AFAP1: variants seen among roughly 807,000 people sequenced by gnomAD.
The protein encoded by AFAP1 is actin filament associated protein 1.
In AFAP1, 75 loss-of-function variants were observed where a neutral mutation model predicts 93.9. The ratio of observed to expected loss-of-function variants is 0.80; its 90% CI spans 0.66 to 0.97. AFAP1 has a LOEUF of 0.97. Ranked by LOEUF, AFAP1 falls within the 50% of genes least tolerant of loss-of-function variation. The pLI is 0.00. For missense variants in AFAP1, 1,201 were observed against 1,050.8 expected (o/e 1.14, Z -1.98); for synonymous variants, 517 against 430.7 (o/e 1.20, Z -2.48).
At chr4:7,770,791 C>T (rs1387421013) in intron 16 of AFAP1, among the ~76,000 whole-genome samples, 2 of 152,296 alleles carry the variant, frequency 1.3e-5, no homozygotes, top group East Asian at 1.9e-4. Context: ...TCAGAGCACT[C>T]CTGCCCTGCC....
chr4:7,890,223 C>T (rs559124928), intron 1 of AFAP1, among the ~76,000 whole-genome samples: 82 of 152,206 alleles, frequency 5.4e-4, no homozygotes, highest in Non-Finnish European at 1.0e-3. Flanking sequence ...GAAATTCACC[C>T]ACACATAAAC....
intron 1 of AFAP1, among the ~76,000 whole-genome samples, chr4:7,889,778 T>C (rs1429062286): frequency 6.7e-6 from 1 of 149,980 alleles, no homozygotes; most frequent in African/African-American, 2.4e-5. Context: ...TATTAAAATA[T>C]GTTAAATATA....
In AFAP1 at chr4:7,762,481, A is replaced by G. The variant is rs1434323813; in HGVS notation, c.*1284T>C. ...ATCTTCCCGTACTGGAGAATTCCTG[A>G]CAGCAGCCTCCGGGAGACCAAGAAG... is the stretch of plus-strand genomic sequence containing the variant. On this transcript the variant is annotated 3_prime_UTR_variant, in exon 18 of 18. Coordinates refer to ENST00000420658, the MANE Select transcript of AFAP1 (RefSeq NM_001134647.2). 1 of 152,246 alleles carries G rather than the reference A, an allele frequency of 6.6e-6. No homozygotes were observed. The highest frequency in any genetic ancestry group is 1.5e-5 in the Non-Finnish European group (1 of 68,040). 9.4% of individuals were successfully genotyped at this position (152,246 alleles called of 1,614,324 possible).
In AFAP1 at chr4:7,803,850, C is replaced by T. The variant is rs902542504; in HGVS notation, c.1055-3197G>A. Among the ~76,000 whole-genome samples the T allele has an allele frequency of 1.4e-4, 21 of 151,778 alleles. 1 individual carries two copies. The highest frequency in any genetic ancestry group is 1.2e-3 in the Admixed American group (18 of 15,236). On this transcript the variant is annotated intron_variant, in intron 9 of 17. Transcript: ENST00000420658. The stretch of plus-strand genomic sequence containing the variant: ...ATTTTATATGCAATTATCGTAATAC[C>T]CCCAATTTTCCCCCCAAAAAAATCC...
chr4:7,811,154 G>C (rs1294567385), intron 8 of AFAP1, among the ~76,000 whole-genome samples: 2 of 152,208 alleles, frequency 1.3e-5, no homozygotes, highest in Non-Finnish European at 2.9e-5. Flanking sequence ...GCACTGCAGG[G>C]CTCACTGGAG....
Position 7,855,527 on chromosome 4 carries a change from T to C in AFAP1, c.273A>G (p.Glu91=). The stretch of plus-strand genomic sequence containing the variant: ...GCGGCACAGCTTCCTCATAATAACC[T>C]TCTGGGAGGGAGGATGTTGGCAATG... ...PPPLPTSSLP[E]GYYEEAVPLS... The change falls in exon 4 of 18, where the codon GAA becomes GAG. Residue 91 remains glutamate (E), a synonymous_variant. Transcript: ENST00000420658. The C allele has an allele frequency of 6.2e-7, 1 of 1,613,896 alleles. No homozygotes were observed. Among genetic ancestry groups the C allele is most frequent in the Non-Finnish European group, 8.5e-7 (1 of 1,179,956 alleles).
At position 7,867,559 on chromosome 4, in the gene AFAP1, G is replaced by C. The variant is rs572146974; in HGVS notation, c.225+1063C>G. On this transcript the variant is annotated intron_variant, in intron 3 of 17. Coordinates refer to ENST00000420658, the MANE Select transcript of AFAP1 (RefSeq NM_001134647.2). ...CACACCTCTGAACTAGTATTGTTGA[G>C]AAAAGTGTGAATTTGAAATAAATGT... Among the ~76,000 whole-genome samples, 7 of 152,272 alleles carry C rather than the reference G, an allele frequency of 4.6e-5. No individual in the cohort carries two copies. The South Asian group carries it at 1.0e-3, about 23-fold the overall frequency.
chr4:7,917,925 A>G (rs1720178721), intron 1 of AFAP1, among the ~76,000 whole-genome samples: 1 of 152,164 alleles, frequency 6.6e-6, no homozygotes, highest in South Asian at 2.1e-4. Flanking sequence ...AGTGATGCCC[A>G]CTCCGACTGT....
At chr4:7,777,237 G>A (rs1017641441) in intron 14 of AFAP1, 13 of 152,278 alleles carry the variant, frequency 8.5e-5, no homozygotes, top group African/African-American at 2.9e-4. Context: ...ATACATTCAG[G>A]AAATAAGATT....
chr4:7,816,189 G>A, intron 7 of AFAP1, 90 bp from the exon 8 acceptor site: 1 of 1,122,922 alleles, frequency 8.9e-7, no homozygotes, highest in African/African-American at 1.6e-5. Context: ...TCTCAAAAGT[G>A]AAAGAAAACA....
At chr4:7,908,663 C>T (rs1719559854) in intron 1 of AFAP1, among the ~76,000 whole-genome samples, 2 of 152,140 alleles carry the variant, frequency 1.3e-5, no homozygotes, top group South Asian at 4.1e-4. Flanking sequence ...AGTGGCAAAA[C>T]AACATTCCTT....
chr4:7,883,886 C>T (rs1717993842), intron 1 of AFAP1, among the ~76,000 whole-genome samples: 1 of 152,192 alleles, frequency 6.6e-6, no homozygotes, highest in Non-Finnish European at 1.5e-5. Flanking sequence ...TGTCAATTCT[C>T]CCCAAGTTAA....
intron 4 of AFAP1, among the ~76,000 whole-genome samples, chr4:7,844,999 C>T (rs1713517441): frequency 6.6e-6 from 1 of 152,250 alleles, no homozygotes; most frequent in African/African-American, 2.4e-5. Flanking sequence ...CATATTTTTA[C>T]TTGCTGGAAA....
chr4:7,848,582 C>T (rs1355476026), intron 4 of AFAP1, among the ~76,000 whole-genome samples: 1 of 152,148 alleles, frequency 6.6e-6, no homozygotes, highest in Non-Finnish European at 1.5e-5. Flanking sequence ...CGTGCCTCTC[C>T]TCTGTTTCTG....
intron 13 of AFAP1, among the ~76,000 whole-genome samples, chr4:7,780,970 A>G (rs761850780): frequency 6.6e-5 from 10 of 152,376 alleles, no homozygotes; most frequent in Middle Eastern, 3.4e-3. Flanking sequence ...TTTAAAGATC[A>G]AAAGCAATGA....
At chr4:7,908,622 C>T (rs1719558561) in intron 1 of AFAP1, among the ~76,000 whole-genome samples, 1 of 152,164 alleles carries the variant, frequency 6.6e-6, no homozygotes, top group South Asian at 2.1e-4. Flanking sequence ...TACTAGGTGC[C>T]TAATTCATCA....
chr4:7,785,321 C>G (rs1274747097), intron 12 of AFAP1, among the ~76,000 whole-genome samples: 1 of 152,078 alleles, frequency 6.6e-6, no homozygotes, highest in Non-Finnish European at 1.5e-5. Flanking sequence ...CCGAGGCCAG[C>G]GTAACAGGGA....
intron 4 of AFAP1, among the ~76,000 whole-genome samples, chr4:7,853,287 C>CA (rs1347511722): frequency 6.6e-6 from 1 of 150,504 alleles, no homozygotes; most frequent in Non-Finnish European, 1.5e-5. Flanking sequence ...TCTACTGTAT[C>CA]AGCCTAGCAA....
rs58075483 is a variant in AFAP1, at chr4:7,827,569, C to CAAAAAAAAAAAA, written c.727-8410_727-8399dup. ...ATGAACAAGAGTGAAACTCTGTCTCCAAAAAAAAAAAAAAAAAAAAAGGGA... is the reference window on the plus strand; with the variant it reads ...ATGAACAAGAGTGAAACTCTGTCTCCAAAAAAAAAAAAAAAAAAAAAAAAAAAAAAAAAGGGA... On this transcript the variant is annotated intron_variant, in intron 6 of 17. Coordinates refer to ENST00000420658, the MANE Select transcript of AFAP1 (RefSeq NM_001134647.2). 3.6e-3 allele frequency among the ~76,000 whole-genome samples: 186 copies of CAAAAAAAAAAAA among 52,230 alleles called. 17 individuals are homozygous for CAAAAAAAAAAAA. The highest frequency in any genetic ancestry group is 9.9e-3 in the African/African-American group (124 of 12,516). 34.3% of individuals were successfully genotyped at this position (52,230 alleles called of 152,430 possible). A position where few individuals can be genotyped will look rare whatever the true frequency, so the allele number is the denominator to read the frequency against.
Sources: gnomAD v4.1 joint callset for allele counts (sites outside exome capture counted in the v4.1 genomes callset) on GRCh38, gnomAD v4.1.1 for gene constraint, MANE v1.5 for transcripts, NCBI Gene and HGNC (gene_info 2026-07-23, HGNC 2026-07-21) for gene names.